Variants in LAMA2 observed in about 807,000 individuals in gnomAD.
The protein encoded by LAMA2 is laminin subunit alpha 2.
Under a neutral mutation model 364.8 loss-of-function variants are expected in LAMA2, and 269 were observed. The ratio of observed to expected loss-of-function variants is 0.74; its 90% CI spans 0.67 to 0.82. The LOEUF is 0.82. LAMA2 is among the 40% of genes least tolerant of loss of function. The pLI is 0.00. For synonymous variants in LAMA2, 1,379 were observed against 1,370.6 expected, an observed-to-expected ratio of 1.01 and a Z score of -0.14; for missense variants, 3,807 against 3,873.2, an observed-to-expected ratio of 0.98 and a Z score of 0.45.
intron 1 of LAMA2, among the ~76,000 whole-genome samples, chr6:128,984,401 A>T (rs1160469385): frequency 6.6e-6 from 1 of 152,168 alleles, no homozygotes; most frequent in Admixed American, 6.6e-5. Context: ...TTAAGGGCCC[A>T]TTCGTATGTA....
intron 18 of LAMA2, among the ~76,000 whole-genome samples, chr6:129,287,429 C>T (rs995526477): frequency 2.0e-5 from 3 of 152,120 alleles, no homozygotes; most frequent in Non-Finnish European, 4.4e-5. Context: ...TTCCTCATAA[C>T]AAGTTCTGGC....
intron 8 of LAMA2, chr6:129,158,617 T>G: frequency 6.2e-7 from 1 of 1,614,132 alleles, no homozygotes. Flanking sequence ...CTGGAGAAGA[T>G]GATCATAGCA....
chr6:129,120,568 G>T (rs1179171804), intron 4 of LAMA2, among the ~76,000 whole-genome samples: 2 of 152,158 alleles, frequency 1.3e-5, no homozygotes, highest in African/African-American at 4.8e-5. Context: ...TAAAGATTAC[G>T]ATTAGTATAC....
At chr6:128,912,469 A>C (rs1778032251) in intron 1 of LAMA2, among the ~76,000 whole-genome samples, 1 of 152,208 alleles carries the variant, frequency 6.6e-6, no homozygotes, top group African/African-American at 2.4e-5. Flanking sequence ...TAGGTATATA[A>C]AACAGAGTAA....
At chr6:129,325,912 T>C (rs1019877181) in intron 28 of LAMA2, among the ~76,000 whole-genome samples, 5 of 152,206 alleles carry the variant, frequency 3.3e-5, no homozygotes, top group African/African-American at 9.6e-5. Context: ...AGATCTCAGC[T>C]TACTGCAACC....
At chr6:129,400,745 C>T (rs1398968199) in intron 37 of LAMA2, among the ~76,000 whole-genome samples, 1 of 152,152 alleles carries the variant, frequency 6.6e-6, no homozygotes, top group Non-Finnish European at 1.5e-5. Context: ...GTGATGGTTT[C>T]TCTATTTCTT....
At position 129,190,058 on chromosome 6, in the gene LAMA2, C is replaced by A. The variant is rs75785223; in HGVS notation, c.1468-147C>A. ...TACAGCTTAACACATAGCTTTTGAG[C>A]AGATTTTTAAAAATATCATTATACG... On this transcript the variant is annotated intron_variant, in intron 10 of 64. Transcript: ENST00000421865. 2,673 of 766,572 alleles carry A rather than the reference C, an allele frequency of 3.5e-3. 28 individuals carry two copies. The highest frequency in any genetic ancestry group is 0.024 in the Middle Eastern group (87 of 3,606). 47.5% of individuals were successfully genotyped at this position (766,572 alleles called of 1,614,324 possible). A position where few individuals can be genotyped will look rare whatever the true frequency, so the allele number is the denominator to read the frequency against.
chr6:129,089,381 G>C (rs1774662057), intron 3 of LAMA2, among the ~76,000 whole-genome samples: 1 of 151,968 alleles, frequency 6.6e-6, no homozygotes, highest in African/African-American at 2.4e-5. Flanking sequence ...TCTTACCTTG[G>C]TAAATACAGA....
At chr6:128,931,043 A>AG (rs1779443387) in intron 1 of LAMA2, among the ~76,000 whole-genome samples, 1 of 152,196 alleles carries the variant, frequency 6.6e-6, no homozygotes, top group Non-Finnish European at 1.5e-5. Flanking sequence ...GCAAAAAAAA[A>AG]GGGACAAGAA....
chr6:129,089,340 A>G (rs1402446942), intron 3 of LAMA2, among the ~76,000 whole-genome samples: 4 of 152,236 alleles, frequency 2.6e-5, no homozygotes, highest in African/African-American at 9.6e-5. Context: ...TTATGTGTGT[A>G]ATGTCATAAA....
chr6:129,407,809 A>C (rs1013953931), intron 40 of LAMA2, among the ~76,000 whole-genome samples: 1 of 152,112 alleles, frequency 6.6e-6, no homozygotes, highest in Non-Finnish European at 1.5e-5. Context: ...TTGACCTTAA[A>C]CACAGAGGAT....
intron 8 of LAMA2, among the ~76,000 whole-genome samples, chr6:129,155,307 G>A (rs182388655): frequency 3.5e-4 from 53 of 152,062 alleles, no homozygotes; most frequent in Admixed American, 2.1e-3. Context: ...ATAAGAAACC[G>A]TCAACATTTT....
chr6:128,906,600 A>C lies in LAMA2; in HGVS notation c.112+23243A>C, dbSNP rs548098343. Among the ~76,000 whole-genome samples the C allele has an allele frequency of 8.7e-3, 1,322 of 151,606 alleles. 13 individuals are homozygous for C. The highest frequency in any genetic ancestry group is 0.016 in the Non-Finnish European group (1,057 of 67,952). ...TTTTGTAGGTTGCCTGTTCACTCTG[A>C]TGGTAGTTTCTTTTGCTGCACAGAA... On this transcript the variant is annotated intron_variant, in intron 1 of 64. Transcript: ENST00000421865.
At chr6:129,292,161 A>G (rs761266870) in intron 20 of LAMA2, among the ~76,000 whole-genome samples, 1 of 152,172 alleles carries the variant, frequency 6.6e-6, no homozygotes, top group Non-Finnish European at 1.5e-5. Flanking sequence ...CCTGGCCAAG[A>G]TGGTGAAACA....
chr6:129,151,842 G>C (rs535098800), intron 7 of LAMA2, among the ~76,000 whole-genome samples: 1 of 152,258 alleles, frequency 6.6e-6, no homozygotes, highest in East Asian at 1.9e-4. Flanking sequence ...TGAGATTTGG[G>C]TGGGGACACA....
Position 129,280,076 on chromosome 6 carries a change from C to A in LAMA2, c.2466C>A (p.Cys822Ter). The change falls in exon 18 of 65, where the codon TGC becomes TGA. Residue 822 changes from cysteine to a stop codon, truncating the protein, a stop_gained. Transcript: ENST00000421865. LOFTEE classifies it high-confidence loss of function. ...NIPSNNFSPT[C>*]HLDRSLGLIC... ...ATCAACATAGCTTTAGCCCAACGTGCCATTTAGACCGGAGTCTTGGATTGA... is the reference window on the plus strand; with the variant it reads ...ATCAACATAGCTTTAGCCCAACGTGACATTTAGACCGGAGTCTTGGATTGA... 6.2e-7 allele frequency: 1 copy of A among 1,612,622 alleles called. No homozygotes were observed. Among genetic ancestry groups the A allele is most frequent in the Non-Finnish European group, 8.5e-7 (1 of 1,178,804 alleles).
At chr6:129,255,405 C>CAA (rs5879934) in intron 14 of LAMA2, among the ~76,000 whole-genome samples, 516 of 33,820 alleles carry the variant, frequency 0.015, 125 homozygotes, top group East Asian at 0.053. Context: ...GACTCTGTCT[C>CAA]AAAAAAAAAA....
chr6:129,356,979 T>G (rs1409384726), intron 32 of LAMA2, among the ~76,000 whole-genome samples: 3 of 152,078 alleles, frequency 2.0e-5, no homozygotes, highest in African/African-American at 7.2e-5. Flanking sequence ...AGGAATTATT[T>G]GGGACAGCTT....
chr6:129,183,143 TTCTC>T (rs1448064739), intron 10 of LAMA2, among the ~76,000 whole-genome samples: 1 of 151,974 alleles, frequency 6.6e-6, no homozygotes, highest in East Asian at 1.9e-4. Flanking sequence ...ATGTTGAAAT[TTCTC>T]TCACGAATTA....
Sources: allele counts gnomAD v4.1 joint callset (sites outside exome capture counted in the v4.1 genomes callset), GRCh38; gene constraint gnomAD v4.1.1; transcripts MANE v1.5; gene names NCBI Gene and HGNC (gene_info 2026-07-23, HGNC 2026-07-21).